The following CDCA7L variants were observed in gnomAD, a reference collection of about 807,000 sequenced individuals.
The protein encoded by CDCA7L is cell division cycle associated 7 like.
In CDCA7L, 44 loss-of-function variants were observed where a neutral mutation model predicts 57.4. That is an observed-to-expected ratio of 0.77 (90% CI 0.60 to 0.98). CDCA7L has a LOEUF of 0.98. Among genes scored for constraint, CDCA7L ranks in the 50% least tolerant of loss-of-function variants. The probability of loss-of-function intolerance (pLI) is 0.00; values close to 1 mark genes in which losing one functional copy is unlikely to be tolerated. For missense variants in CDCA7L, 644 were observed against 580.6 expected, an observed-to-expected ratio of 1.11 and a Z score of -1.12; for synonymous variants, 236 against 202.8, an observed-to-expected ratio of 1.16 and a Z score of -1.39.
At position 21,930,293 on chromosome 7, in the gene CDCA7L, A is replaced by G. The variant is rs371370475; in HGVS notation, c.25-13399T>C. 1.2e-4 allele frequency among the ~76,000 whole-genome samples: 19 copies of G among 152,334 alleles called. No individual in the cohort carries two copies. In the South Asian group the frequency reaches 2.3e-3, roughly 18 times the overall value. On this transcript the variant is annotated intron_variant, in intron 1 of 9. Coordinates refer to ENST00000406877, the MANE Select transcript of CDCA7L (RefSeq NM_018719.5). ...ATGAGAACAAAGACAACATACCAGA[A>G]TCTCTGGGACACAGCTAAAGCAGTG...
intron 1 of CDCA7L, among the ~76,000 whole-genome samples, chr7:21,927,526 A>C (rs1785866091): frequency 6.6e-6 from 1 of 152,212 alleles, no homozygotes; most frequent in Admixed American, 6.5e-5. Flanking sequence ...AAAACAGCCT[A>C]AACTACTTCT....
rs780163171 is a variant in CDCA7L, at chr7:21,915,948, GGAC to G, written c.165+803_165+805del. ...GCTGTGGAGATGCCAAATGAGATGA[GGAC>G]GACAGAGACCAGGGAGCCTCCAGAG... On this transcript the variant is annotated intron_variant, in intron 2 of 9. Coordinates refer to ENST00000406877, the MANE Select transcript of CDCA7L (RefSeq NM_018719.5). 4.6e-5 allele frequency among the ~76,000 whole-genome samples: 7 copies of G among 152,100 alleles called. No individual in the cohort carries two copies. The East Asian group carries it at 5.8e-4, about 13-fold the overall frequency.
At chr7:21,912,418 T>G (rs572473910) in intron 2 of CDCA7L, among the ~76,000 whole-genome samples, 1 of 152,220 alleles carries the variant, frequency 6.6e-6, no homozygotes, top group South Asian at 2.1e-4. Context: ...GCTTCTAATG[T>G]GACTGGTAAG....
At chr7:21,926,943 C>G (rs917889863) in intron 1 of CDCA7L, among the ~76,000 whole-genome samples, 1 of 152,068 alleles carries the variant, frequency 6.6e-6, no homozygotes, top group African/African-American at 2.4e-5. Flanking sequence ...AAAAGCCACA[C>G]ACAGGTCCAG....
At chr7:21,929,655 A>AAAAAAAAAC (rs1785944945) in intron 1 of CDCA7L, among the ~76,000 whole-genome samples, 1 of 137,870 alleles carries the variant, frequency 7.3e-6, no homozygotes, top group African/African-American at 2.6e-5. Flanking sequence ...AAAAAAAAAA[A>AAAAAAAAAC]AGCAGGGATT....
chr7:21,907,206 TTA>T (rs1262003663), intron 4 of CDCA7L, among the ~76,000 whole-genome samples: 3 of 152,204 alleles, frequency 2.0e-5, no homozygotes, highest in Non-Finnish European at 4.4e-5. Context: ...GTTTATACAA[TTA>T]TATGAGTGCC....
rs201577034 is a variant in CDCA7L at position 21,908,507 on chromosome 7, C to G, written c.304G>C (p.Val102Leu). 14 of 1,511,250 alleles carry G rather than the reference C, an allele frequency of 9.3e-6. No homozygotes were observed. In the African/African-American group the frequency reaches 2.0e-4, roughly 21 times the overall value. The allele number at this position is 1,511,250 out of a possible 1,614,324, so 93.6% of individuals were successfully genotyped here. Reference protein sequence around the residue: ...LNGKTNPEVMVVESDLSDDGK... With the variant: ...LNGKTNPEVMLVESDLSDDGK... ...TCATCACTCAAATCTGACTCCACGA[C>G]CTAATAAAATAAGAGCAAGAAAAAG... Residue 102 changes from valine to leucine, a missense_variant and splice_region_variant, in exon 4 of 10, where the codon GTC (valine) becomes CTC (leucine). Transcript: ENST00000406877.
chr7:21,902,476 A>T (rs975360309), intron 9 of CDCA7L, 124 bp from the exon 10 acceptor site: 5 of 928,302 alleles, frequency 5.4e-6, no homozygotes, highest in Non-Finnish European at 8.8e-6. Flanking sequence ...GACACTCGAA[A>T]TCCTGACAAT....
rs150016835 is a variant in CDCA7L, at chr7:21,906,412, C to T, written c.798G>A (p.Thr266=). 9 of 1,612,836 alleles carry T rather than the reference C, an allele frequency of 5.6e-6. No individual in the cohort carries two copies. Among genetic ancestry groups the T allele is most frequent in the African/African-American group, 1.3e-5 (1 of 74,946 alleles). ...CACTCCGGGTTGGGTTCATACGCCG[C>T]GTGATCTGTCCCTCCGAGAAGGCCC... The part of the protein sequence containing the change: ...VRRAFSEGQI[T]RRMNPTRSAR... Residue 266 remains threonine, a synonymous_variant, in exon 6 of 10, where the codon ACG becomes ACA. Transcript: ENST00000406877.
Position 21,901,975 on chromosome 7 carries a change from TAGATCA to T in CDCA7L, c.*341_*346del, listed in dbSNP as rs1784896231. On this transcript the variant is annotated 3_prime_UTR_variant, in exon 10 of 10. Coordinates refer to ENST00000406877, the MANE Select transcript of CDCA7L (RefSeq NM_018719.5). ...TACTGTTTGGGAAGCCAAAGATAGA[TAGATCA>T]AGTGCAGGAGCTGATCATACAATGT... 1 of 289,080 alleles carries T rather than the reference TAGATCA, an allele frequency of 3.5e-6. No homozygotes were observed. Among genetic ancestry groups the T allele is most frequent in the African/African-American group, 2.1e-5 (1 of 46,658 alleles). The allele number at this position is 289,080 out of a possible 1,614,324, so 17.9% of individuals were successfully genotyped here.
At chr7:21,915,347 A>C (rs141383620) in intron 2 of CDCA7L, among the ~76,000 whole-genome samples, 90 of 152,242 alleles carry the variant, frequency 5.9e-4, no homozygotes, top group African/African-American at 2.0e-3. Context: ...GTAGTCAGAA[A>C]CCACCTGGGG....
chr7:21,926,891 A>C (rs963207934), intron 1 of CDCA7L, among the ~76,000 whole-genome samples: 3 of 152,066 alleles, frequency 2.0e-5, no homozygotes, highest in Non-Finnish European at 4.4e-5. Context: ...TAATAATAAC[A>C]ATAATAATAA....
intron 8 of CDCA7L, 127 bp from the exon 9 acceptor site, chr7:21,903,241 T>G: frequency 1.2e-6 from 1 of 868,772 alleles, no homozygotes; most frequent in Non-Finnish European, 1.7e-6. Context: ...TCTTTCAGTC[T>G]ACGTCCCAGG....
At chr7:21,921,662 A>C (rs1051953212) in intron 1 of CDCA7L, among the ~76,000 whole-genome samples, 1 of 152,050 alleles carries the variant, frequency 6.6e-6, no homozygotes, top group East Asian at 1.9e-4. Context: ...ACTCACCAAA[A>C]AGAAAACTAC....
chr7:21,912,913 TGAAA>T (rs1785376276), intron 2 of CDCA7L, among the ~76,000 whole-genome samples: 1 of 151,998 alleles, frequency 6.6e-6, no homozygotes, highest in Non-Finnish European at 1.5e-5. Context: ...ATAGTATACT[TGAAA>T]GAAAGAGGAA....
At chr7:21,908,741 G>T (rs1785219745) in intron 3 of CDCA7L, among the ~76,000 whole-genome samples, 1 of 152,168 alleles carries the variant, frequency 6.6e-6, no homozygotes, top group Admixed American at 6.6e-5. Context: ...ACCCGCGACA[G>T]AAATGGGTTC....
chr7:21,938,393 A>T (rs1786239174), intron 1 of CDCA7L, among the ~76,000 whole-genome samples: 1 of 152,140 alleles, frequency 6.6e-6, no homozygotes, highest in South Asian at 2.1e-4. Context: ...AAAATCCAGG[A>T]AAGAACTAGG....
chr7:21,915,529 G>T (rs59962968), intron 2 of CDCA7L, among the ~76,000 whole-genome samples: 1 of 151,854 alleles, frequency 6.6e-6, no homozygotes, highest in African/African-American at 2.4e-5. Flanking sequence ...CAGGTACAGT[G>T]GCTCACGCCT....
intron 1 of CDCA7L, among the ~76,000 whole-genome samples, chr7:21,919,783 A>T (rs1785596136): frequency 6.6e-6 from 1 of 152,108 alleles, no homozygotes; most frequent in African/African-American, 2.4e-5. Context: ...ATAGCGCCAA[A>T]CTGACGCCAC....
Sources: allele counts gnomAD v4.1 joint callset (sites outside exome capture counted in the v4.1 genomes callset), GRCh38; gene constraint gnomAD v4.1.1; transcripts MANE v1.5; gene names NCBI Gene and HGNC (gene_info 2026-07-23, HGNC 2026-07-21).